Variants in OXR1 observed in about 807,000 individuals in gnomAD.
OXR1 encodes the protein oxidation resistance 1.
OXR1 carries 41 observed loss-of-function variants against 104.6 expected under a neutral mutation model. The ratio of observed to expected loss-of-function variants is 0.39; its 90% CI spans 0.31 to 0.51. The LOEUF (loss-of-function observed/expected upper bound fraction) is 0.51, where lower values mean the gene tolerates loss of function less well. Among genes scored for constraint, OXR1 ranks in the 20% least tolerant of loss-of-function variants. OXR1 has a pLI of 0.77. For missense variants in OXR1, 955 were observed against 1,031.9 expected, an observed-to-expected ratio of 0.93 and a Z score of 1.02; for synonymous variants, 348 against 348.4, an observed-to-expected ratio of 1.00 and a Z score of 0.01.
intron 5 of OXR1, 101 bp downstream of exon 5, chr8:106,683,407 A>G: frequency 1.9e-6 from 1 of 523,684 alleles, no homozygotes; most frequent in Non-Finnish European, 3.4e-6. Context: ...ATTTGAGAAT[A>G]ATTTTATATG....
At chr8:106,477,948 G>T (rs949559469) in intron 2 of OXR1, among the ~76,000 whole-genome samples, 1 of 151,906 alleles carries the variant, frequency 6.6e-6, no homozygotes, top group Non-Finnish European at 1.5e-5. Flanking sequence ...CACATTTCCA[G>T]CTGTAATGTA....
intron 1 of OXR1, among the ~76,000 whole-genome samples, chr8:106,322,356 G>A (rs1427323073): frequency 1.3e-5 from 2 of 152,122 alleles, no homozygotes; most frequent in Non-Finnish European, 2.9e-5. Context: ...ACCCCTTCAT[G>A]TTAAATACTC....
At chr8:106,727,732 T>A (rs1233659095) in intron 11 of OXR1, among the ~76,000 whole-genome samples, 1 of 152,168 alleles carries the variant, frequency 6.6e-6, no homozygotes, top group Non-Finnish European at 1.5e-5. Flanking sequence ...TTCTGTTCAT[T>A]CTTATGGGAG....
At chr8:106,453,128 T>G (rs776423074) in intron 2 of OXR1, among the ~76,000 whole-genome samples, 2 of 152,194 alleles carry the variant, frequency 1.3e-5, no homozygotes, top group Non-Finnish European at 2.9e-5. Context: ...TGGTCAGATG[T>G]GACTGCCCCT....
chr8:106,398,461 C>T (rs995591233), intron 2 of OXR1, among the ~76,000 whole-genome samples: 1 of 152,126 alleles, frequency 6.6e-6, no homozygotes, highest in Non-Finnish European at 1.5e-5. Context: ...AAGAACGAGT[C>T]AGTTGCCACA....
intron 6 of OXR1, among the ~76,000 whole-genome samples, chr8:106,690,844 A>G (rs1829203531): frequency 6.6e-6 from 1 of 151,980 alleles, no homozygotes; most frequent in Admixed American, 6.6e-5. Flanking sequence ...TATACGTTGC[A>G]TGAAGTAAAT....
At chr8:106,685,879 T>C (rs1243839860) in intron 6 of OXR1, among the ~76,000 whole-genome samples, 1 of 152,046 alleles carries the variant, frequency 6.6e-6, no homozygotes, top group Non-Finnish European at 1.5e-5. Context: ...CCACCCCAAA[T>C]GCCCATCAAT....
rs2130337367 is a variant in OXR1, at chr8:106,359,465, T to G, written c.-138-11T>G. 3.2e-6 allele frequency: 2 copies of G among 631,710 alleles called. No homozygotes were observed. Among genetic ancestry groups the G allele is most frequent in the East Asian group, 5.5e-5 (2 of 36,356 alleles). 39.1% of individuals were successfully genotyped at this position (631,710 alleles called of 1,614,324 possible). On this transcript the variant is annotated splice_polypyrimidine_tract_variant and intron_variant, in intron 1 of 16. Coordinates refer to ENST00000517566, the MANE Select transcript of OXR1 (RefSeq NM_001198533.2). ...GTACTAGAGATATTCATTTATTTCT[T>G]TTCTTTATAGGTCCTCTCAAACTGT... is the stretch of plus-strand genomic sequence containing the variant.
At chr8:106,684,937 T>C (rs572951523) in intron 6 of OXR1, among the ~76,000 whole-genome samples, 3 of 152,286 alleles carry the variant, frequency 2.0e-5, no homozygotes, top group Admixed American at 2.0e-4. Context: ...TTATATATTA[T>C]ATATTTCTTT....
chr8:106,495,294 A>G (rs1811341514), intron 2 of OXR1, among the ~76,000 whole-genome samples: 1 of 152,308 alleles, frequency 6.6e-6, no homozygotes, highest in African/African-American at 2.4e-5. Context: ...TACTGAAATC[A>G]GGTAACTATT....
At chr8:106,329,184 G>T (rs1156511041) in intron 1 of OXR1, among the ~76,000 whole-genome samples, 1 of 151,470 alleles carries the variant, frequency 6.6e-6, no homozygotes, top group Non-Finnish European at 1.5e-5. Flanking sequence ...TAAAGACGGG[G>T]TTTCACCATG....
At chr8:106,686,405 A>G (rs1828729066) in intron 6 of OXR1, among the ~76,000 whole-genome samples, 1 of 151,764 alleles carries the variant, frequency 6.6e-6, no homozygotes, top group Admixed American at 6.6e-5. Context: ...TTCTTACAAC[A>G]GTTGATTGTG....
At chr8:106,319,913 G>A (rs1298549192) in intron 1 of OXR1, among the ~76,000 whole-genome samples, 2 of 152,166 alleles carry the variant, frequency 1.3e-5, no homozygotes, top group Non-Finnish European at 2.9e-5. Context: ...CCTGTGGGTG[G>A]TTATGGTTCT....
intron 11 of OXR1, among the ~76,000 whole-genome samples, chr8:106,733,347 C>T (rs1834065653): frequency 1.3e-5 from 2 of 152,076 alleles, no homozygotes; most frequent in Non-Finnish European, 2.9e-5. Flanking sequence ...GATATTTATT[C>T]TCTCACTCTC....
intron 3 of OXR1, among the ~76,000 whole-genome samples, chr8:106,577,250 G>T (rs939593167): frequency 6.7e-6 from 1 of 149,226 alleles, no homozygotes; most frequent in African/African-American, 2.5e-5. Flanking sequence ...TCTGTCTGTC[G>T]CCCAGACTGG....
chr8:106,634,535 G>A (rs1332438894), intron 3 of OXR1, among the ~76,000 whole-genome samples: 1 of 152,150 alleles, frequency 6.6e-6, no homozygotes, highest in African/African-American at 2.4e-5. Context: ...AGTGATGGAG[G>A]TGGAAGTGGA....
Position 106,713,903 on chromosome 8 carries a change from C to G in OXR1, c.1874C>G (p.Pro625Arg), listed in dbSNP as rs376296490. 67 of 1,592,456 alleles carry G rather than the reference C, an allele frequency of 4.2e-5. No homozygotes were observed. The highest frequency in any genetic ancestry group is 4.9e-5 in the Non-Finnish European group (58 of 1,172,862). The change falls in exon 11 of 17, where the codon CCT becomes CGT. Residue 625 changes from proline to arginine, a missense_variant. This residue lies in a region of OXR1 where 849 missense variants were observed against 852.9 expected (regional missense o/e 1.00). Coordinates refer to ENST00000517566, the MANE Select transcript of OXR1 (RefSeq NM_001198533.2). ...AEDTGEYTREPGFIVVKKIEE... is the reference protein window; with the variant it reads ...AEDTGEYTRERGFIVVKKIEE... ...GATACTGGCGAATATACCAGAGAAC[C>G]TGGATTTATAGTAGTAAAAAAGATT...
At chr8:106,669,553 A>G (rs1021099446) in intron 3 of OXR1, among the ~76,000 whole-genome samples, 3 of 151,890 alleles carry the variant, frequency 2.0e-5, no homozygotes, top group Non-Finnish European at 4.4e-5. Context: ...TACAATCAGC[A>G]ATCTGTTTTT....
At chr8:106,402,689 G>A (rs559301070) in intron 2 of OXR1, among the ~76,000 whole-genome samples, 86 of 152,244 alleles carry the variant, frequency 5.6e-4, no homozygotes, top group Non-Finnish European at 1.1e-3. Context: ...TGTAGTAAAA[G>A]GCTATAGGTC....
Sources: allele counts gnomAD v4.1 joint callset (sites outside exome capture counted in the v4.1 genomes callset), GRCh38; gene constraint gnomAD v4.1.1; regional missense constraint gnomAD v4.1.1; transcripts MANE v1.5; gene names NCBI Gene and HGNC (gene_info 2026-07-23, HGNC 2026-07-21).